Variants in PTPRC observed in about 807,000 individuals in gnomAD.
PTPRC encodes protein tyrosine phosphatase receptor type C, also known as receptor-type tyrosine-protein phosphatase C.
A neutral mutation model predicts 155.9 loss-of-function variants in PTPRC; 44 were observed. That is an observed-to-expected ratio of 0.28 (90% confidence interval 0.22 to 0.36). The LOEUF is 0.36. Ranked by LOEUF, PTPRC falls within the 10% of genes least tolerant of loss-of-function variation. The probability of loss-of-function intolerance (pLI) is 1.00; values close to 1 mark genes in which losing one functional copy is unlikely to be tolerated. For synonymous variants in PTPRC, 525 were observed against 533.1 expected, an observed-to-expected ratio of 0.98 and a Z score of 0.21; for missense variants, 1,401 against 1,564.6, an observed-to-expected ratio of 0.90 and a Z score of 1.76.
chr1:198,692,302 A>T, intron 2 of PTPRC, 45 bp from the exon 3 acceptor site: 1 of 1,424,568 alleles, frequency 7.0e-7, no homozygotes, highest in East Asian at 2.6e-5. Context: ...ATTAATATGA[A>T]TGAAATTTGA....
At chr1:198,673,579 A>C (rs892772917) in intron 2 of PTPRC, among the ~76,000 whole-genome samples, 1 of 152,182 alleles carries the variant, frequency 6.6e-6, no homozygotes. Context: ...TGAAGAGGAA[A>C]GTGTTTATTT....
At chr1:198,751,757 G>A (rs1000029532) in intron 29 of PTPRC, among the ~76,000 whole-genome samples, 2 of 152,022 alleles carry the variant, frequency 1.3e-5, no homozygotes, top group African/African-American at 4.8e-5. Context: ...CCTTAGCTAT[G>A]TAGACAAAAT....
intron 2 of PTPRC, among the ~76,000 whole-genome samples, chr1:198,676,754 A>G (rs1664978812): frequency 6.6e-6 from 1 of 152,196 alleles, no homozygotes; most frequent in African/African-American, 2.4e-5. Context: ...GGAATACGAT[A>G]AAGTGCAGCA....
chr1:198,656,641 T>G lies in PTPRC; in HGVS notation c.73+17300T>G, dbSNP rs188964012. On this transcript the variant is annotated intron_variant, in intron 2 of 32. Transcript: ENST00000442510. The stretch of plus-strand genomic sequence containing the variant: ...TGCTACACATCACAGGGCTACTAGT[T>G]TTTTGTTTTTTGTTTTTTTTTTTTT... 5.3e-3 allele frequency among the ~76,000 whole-genome samples: 461 copies of G among 87,752 alleles called. 6 individuals carry two copies. Among genetic ancestry groups the G allele is most frequent in the African/African-American group, 0.022 (444 of 20,216 alleles). The allele number at this position is 87,752 out of a possible 152,430, so 57.6% of individuals were successfully genotyped here.
At chr1:198,649,861 G>T (rs1046454905) in intron 2 of PTPRC, among the ~76,000 whole-genome samples, 1 of 151,852 alleles carries the variant, frequency 6.6e-6, no homozygotes, top group Non-Finnish European at 1.5e-5. Flanking sequence ...AACAAATTGA[G>T]ATAACTTCAG....
In PTPRC at chr1:198,748,105, TCAGAG is replaced by T; in HGVS notation, c.2848-3_2849del. 6.3e-7 allele frequency: 1 copy of T among 1,576,564 alleles called. No homozygotes were observed. Among genetic ancestry groups the T allele is most frequent in the South Asian group, 1.2e-5 (1 of 85,836 alleles). On this transcript the variant is annotated splice_acceptor_variant and splice_polypyrimidine_tract_variant and coding_sequence_variant and intron_variant, in exon 27 of 33. Coordinates refer to ENST00000442510, the MANE Select transcript of PTPRC (RefSeq NM_002838.5). LOFTEE classifies it high-confidence loss of function. ...AGTTTTTCTGTTTTTTTTTTTTTTT[TCAGAG>T]ACTTCCTTCATATAGGAGCTGGAGG... is the stretch of plus-strand genomic sequence containing the variant.
rs765711089 is a variant in PTPRC at position 198,708,312 on chromosome 1, T to G, written c.1033+51T>G. 3.9e-6 allele frequency: 6 copies of G among 1,536,716 alleles called. No individual in the cohort carries two copies. In the South Asian group the frequency reaches 4.5e-5, roughly 12 times the overall value. ...ATTTTTTTTTGTGGCACAATGTTGT[T>G]CTAGATATTATTTAATCTTACTCTC... On this transcript the variant is annotated intron_variant, in intron 10 of 32. Coordinates refer to ENST00000442510, the MANE Select transcript of PTPRC (RefSeq NM_002838.5).
intron 2 of PTPRC, among the ~76,000 whole-genome samples, chr1:198,646,254 T>C (rs1174978689): frequency 2.0e-5 from 3 of 151,856 alleles, no homozygotes; most frequent in Admixed American, 2.0e-4. Context: ...CACTTTCATT[T>C]AATTTTTACA....
intron 11 of PTPRC, 112 bp downstream of exon 11, chr1:198,709,936 A>T: frequency 7.2e-7 from 1 of 1,397,988 alleles, no homozygotes. Context: ...GATACTTTTT[A>T]AGCATATGCT....
chr1:198,676,871 T>C (rs16843657), intron 2 of PTPRC, among the ~76,000 whole-genome samples: 2,560 of 152,286 alleles, frequency 0.017, 72 homozygotes, highest in African/African-American at 0.059. Flanking sequence ...TGCATGATCA[T>C]AGAAGATTTA....
intron 2 of PTPRC, among the ~76,000 whole-genome samples, chr1:198,654,949 C>T (rs969366455): frequency 3.3e-5 from 5 of 151,800 alleles, no homozygotes; most frequent in Admixed American, 1.3e-4. Context: ...CAAATCAATT[C>T]AATTAAATCA....
At chr1:198,670,515 A>T (rs1664583133) in intron 2 of PTPRC, among the ~76,000 whole-genome samples, 1 of 152,180 alleles carries the variant, frequency 6.6e-6, no homozygotes. Flanking sequence ...TATACCCCAG[A>T]AATATTTACA....
chr1:198,673,899 T>A (rs1215145466), intron 2 of PTPRC, among the ~76,000 whole-genome samples: 2 of 152,212 alleles, frequency 1.3e-5, no homozygotes, highest in African/African-American at 4.8e-5. Flanking sequence ...AATAATGTAC[T>A]TCTCTCCCAA....
chr1:198,743,997 G>T, intron 25 of PTPRC, 57 bp from the exon 26 acceptor site: 1 of 1,497,544 alleles, frequency 6.7e-7, no homozygotes, highest in South Asian at 1.1e-5. Flanking sequence ...ATTTAAATAT[G>T]ACTTGGAGGA....
Position 198,709,728 on chromosome 1 carries a change from C to A in PTPRC, c.1075C>A (p.Leu359Ile). 6.2e-7 allele frequency: 1 copy of A among 1,603,382 alleles called. No individual in the cohort carries two copies. Among genetic ancestry groups the A allele is most frequent in the South Asian group, 1.1e-5 (1 of 88,146 alleles). ...TAATAAAGAAATTAAATTAGAAAAC[C>A]TTGAACCCGAACATGAGTATAAGTG... The part of the protein sequence containing the change: ...FDNKEIKLEN[L>I]EPEHEYKCDS... The change falls in exon 11 of 33, where the codon CTT becomes ATT. Residue 359 changes from leucine to isoleucine, a missense_variant. By Grantham distance (5) the Leu-to-Ile change is conservative. Around this residue, in one of 3 missense-constraint regions of PTPRC, gnomAD observed 867 missense variants for 970.4 expected, o/e 0.89. Transcript: ENST00000442510.
chr1:198,663,256 C>T (rs1038894564), intron 2 of PTPRC, among the ~76,000 whole-genome samples: 1 of 152,204 alleles, frequency 6.6e-6, no homozygotes, highest in African/African-American at 2.4e-5. Context: ...TCATTCTTTT[C>T]AGTGCGTTAA....
chr1:198,748,189 T>C lies in PTPRC; in HGVS notation c.2928T>C (p.Asn976=), dbSNP rs376956922. Residue 976 remains asparagine (N), a synonymous_variant, in exon 27 of 33, where the codon AAT becomes AAC. Coordinates refer to ENST00000442510, the MANE Select transcript of PTPRC (RefSeq NM_002838.5). ...ATAAAAGTAAAAACAGGAATTCTAA[T>C]GTCATCCCATGTATGTAGTTTATTT... ...EENKSKNRNS[N]VIPYDYNRVP... is the part of the protein sequence containing the mutation. 6.2e-7 allele frequency: 1 copy of C among 1,605,668 alleles called. No homozygotes were observed. Among genetic ancestry groups the C allele is most frequent in the Non-Finnish European group, 8.5e-7 (1 of 1,176,136 alleles).
intron 2 of PTPRC, among the ~76,000 whole-genome samples, chr1:198,677,209 C>T (rs1409042359): frequency 6.6e-6 from 1 of 152,144 alleles, no homozygotes; most frequent in Non-Finnish European, 1.5e-5. Context: ...CATCTCCAAC[C>T]TTGCATTCCT....
At chr1:198,705,000 A>G (rs1652859581) in intron 8 of PTPRC, among the ~76,000 whole-genome samples, 1 of 152,222 alleles carries the variant, frequency 6.6e-6, no homozygotes, top group African/African-American at 2.4e-5. Context: ...GATGATAAAT[A>G]TAAAATGTGG....
Sources: allele counts gnomAD v4.1 joint callset (sites outside exome capture counted in the v4.1 genomes callset), GRCh38; gene constraint gnomAD v4.1.1; regional missense constraint gnomAD v4.1.1; transcripts MANE v1.5; gene names NCBI Gene and HGNC (gene_info 2026-07-23, HGNC 2026-07-21).